PTPRG: variants seen among roughly 807,000 people sequenced by gnomAD.
PTPRG encodes protein tyrosine phosphatase receptor type G.
PTPRG carries 102 observed loss-of-function variants against 165.3 expected under a neutral mutation model. The ratio of observed to expected loss-of-function variants is 0.62; its 90% CI spans 0.53 to 0.73. The LOEUF (loss-of-function observed/expected upper bound fraction) is 0.73. Among genes scored for constraint, PTPRG ranks in the 30% least tolerant of loss-of-function variants. The probability of loss-of-function intolerance (pLI) is 0.00; values close to 1 mark genes in which losing one functional copy is unlikely to be tolerated. For synonymous variants in PTPRG, 675 were observed against 669.5 expected (o/e 1.01, Z -0.13); for missense variants, 1,866 against 1,861.4 (o/e 1.00, Z -0.05).
chr3:61,967,569 G>T (rs2040299020), intron 2 of PTPRG, among the ~76,000 whole-genome samples: 1 of 152,116 alleles, frequency 6.6e-6, no homozygotes, highest in Non-Finnish European at 1.5e-5. Context: ...CCCTTACTGG[G>T]AAGGAAAGGT....
chr3:61,860,135 G>T (rs994572843), intron 2 of PTPRG, among the ~76,000 whole-genome samples: 2 of 152,166 alleles, frequency 1.3e-5, no homozygotes, highest in Non-Finnish European at 1.5e-5. Flanking sequence ...ACACAGAAGA[G>T]GAAATATTGT....
intron 4 of PTPRG, among the ~76,000 whole-genome samples, chr3:62,043,956 A>G (rs1700207119): frequency 1.3e-5 from 2 of 152,234 alleles, no homozygotes; most frequent in Non-Finnish European, 2.9e-5. Context: ...TAGAAGCAAC[A>G]TGAAAGACTG....
Position 61,930,492 on chromosome 3 carries a change from C to A in PTPRG, c.191-59133C>A, listed in dbSNP as rs1023570036. On this transcript the variant is annotated intron_variant, in intron 2 of 29. Coordinates refer to ENST00000474889, the MANE Select transcript of PTPRG (RefSeq NM_002841.4). ...CCATTCCTTTTGGGATGTAGACCTG[C>A]ATCTTATGTGTTGCGTCTTACTTTT... Among the ~76,000 whole-genome samples the A allele has an allele frequency of 3.3e-5, 5 of 152,168 alleles. No individual in the cohort carries two copies. The East Asian group carries it at 7.7e-4, about 23-fold the overall frequency.
At position 62,252,343 on chromosome 3, in the gene PTPRG, C is replaced by A. The variant is rs547650681; in HGVS notation, c.2468-2781C>A. Among the ~76,000 whole-genome samples the A allele has an allele frequency of 8.5e-5, 13 of 152,302 alleles. No homozygotes were observed. Among genetic ancestry groups the A allele is most frequent in the African/African-American group, 3.1e-4 (13 of 41,572 alleles). Reference sequence around the variant, plus strand: ...GTTTCCCATTCTCTCTGAGTCGGAGCACTTTTTATCTAGGGTCTGCAGCCA... The same window carrying A: ...GTTTCCCATTCTCTCTGAGTCGGAGAACTTTTTATCTAGGGTCTGCAGCCA... On this transcript the variant is annotated intron_variant, in intron 15 of 29. Transcript: ENST00000474889. This position sits in a 1 kb window ranked among gnomAD's most constrained non-coding sequence, Gnocchi z 4.6.
intron 1 of PTPRG, among the ~76,000 whole-genome samples, chr3:61,708,941 G>A (rs2031409430): frequency 6.6e-6 from 1 of 152,232 alleles, no homozygotes; most frequent in Non-Finnish European, 1.5e-5. Context: ...AATGTCACAA[G>A]GTTTGGCCGG....
At chr3:61,750,309 T>C (rs1165163613) in intron 2 of PTPRG, 1 of 152,232 alleles carries the variant, frequency 6.6e-6, no homozygotes, top group African/African-American at 2.4e-5. Flanking sequence ...CTATTTACAG[T>C]TCATCAGTTT....
At position 61,625,777 on chromosome 3, in the gene PTPRG, A is replaced by T. The variant is rs181364398; in HGVS notation, c.85+63405A>T. Among the ~76,000 whole-genome samples the T allele has an allele frequency of 2.0e-4, 30 of 152,150 alleles. No homozygotes were observed. In the East Asian group the frequency reaches 5.8e-3, roughly 29 times the overall value. ...ACTCTTAAGCATTTCAGCCTCCAAC[A>T]TAAGCTCAGTAAGGTGGGACTTGCT... On this transcript the variant is annotated intron_variant, in intron 1 of 29. Transcript: ENST00000474889.
intron 1 of PTPRG, among the ~76,000 whole-genome samples, chr3:61,630,057 T>C (rs1309587022): frequency 6.6e-6 from 1 of 152,254 alleles, no homozygotes; most frequent in African/African-American, 2.4e-5. Context: ...ACCCTGGCCA[T>C]GGCCTTATGA....
chr3:62,085,556 C>T (rs1701724893), intron 5 of PTPRG, among the ~76,000 whole-genome samples: 1 of 152,110 alleles, frequency 6.6e-6, no homozygotes, highest in South Asian at 2.1e-4. Flanking sequence ...TGCTAATTTT[C>T]TTTCCCATTG....
intron 1 of PTPRG, among the ~76,000 whole-genome samples, chr3:61,581,546 C>T (rs1360322628): frequency 2.0e-5 from 3 of 151,618 alleles, no homozygotes; most frequent in Admixed American, 6.6e-5. Context: ...CGTGTGGCCA[C>T]GAGAATGTGA....
At chr3:61,661,595 GAAC>G (rs1218064254) in intron 1 of PTPRG, among the ~76,000 whole-genome samples, 1 of 152,118 alleles carries the variant, frequency 6.6e-6, no homozygotes, top group East Asian at 1.9e-4. Flanking sequence ...AGAAATTAAA[GAAC>G]AAGTTTATTT....
intron 3 of PTPRG, among the ~76,000 whole-genome samples, chr3:62,001,448 A>T (rs7643577): frequency 0.098 from 14,872 of 152,142 alleles, 1,246 homozygotes; most frequent in African/African-American, 0.22. Flanking sequence ...CGTCCTGTGG[A>T]TGCAAAATGT....
chr3:61,881,711 T>C (rs2037893996), intron 2 of PTPRG, among the ~76,000 whole-genome samples: 1 of 152,192 alleles, frequency 6.6e-6, no homozygotes, highest in Admixed American at 6.5e-5. Flanking sequence ...CTCCCTCCTA[T>C]ATATAGAAAT....
At chr3:62,065,152 T>G (rs1700969618) in intron 4 of PTPRG, among the ~76,000 whole-genome samples, 1 of 151,536 alleles carries the variant, frequency 6.6e-6, no homozygotes, top group African/African-American at 2.4e-5. Flanking sequence ...CACTGTTGAT[T>G]AGAGTAAAAA....
chr3:62,209,861 TC>T (rs763056505), intron 12 of PTPRG, among the ~76,000 whole-genome samples: 6 of 152,154 alleles, frequency 3.9e-5, no homozygotes, highest in Non-Finnish European at 7.4e-5. Flanking sequence ...CAATTAGATT[TC>T]CGGAGAGGTT....
chr3:61,668,563 G>T (rs2365939), intron 1 of PTPRG, among the ~76,000 whole-genome samples: 2 of 152,206 alleles, frequency 1.3e-5, no homozygotes, highest in Admixed American at 6.5e-5. Flanking sequence ...AAGGTTAGGT[G>T]GGGGGAGACC....
intron 8 of PTPRG, among the ~76,000 whole-genome samples, chr3:62,183,507 T>C (rs947706312): frequency 1.2e-4 from 18 of 147,690 alleles, no homozygotes; most frequent in African/African-American, 4.5e-4. Flanking sequence ...GAGGTTGCAG[T>C]GAGCCAAGAT....
chr3:62,208,349 C>A (rs548231003), intron 12 of PTPRG, among the ~76,000 whole-genome samples: 1 of 152,294 alleles, frequency 6.6e-6, no homozygotes, highest in East Asian at 1.9e-4. Context: ...GTACAGCATA[C>A]CCTACAAAAA....
chr3:61,771,003 C>G (rs1456341598), intron 2 of PTPRG: 1 of 152,140 alleles, frequency 6.6e-6, no homozygotes, highest in African/African-American at 2.4e-5. Flanking sequence ...GCTCTTGTTT[C>G]CCTCCCAAGA....
Sources: gnomAD v4.1 joint callset for allele counts (sites outside exome capture counted in the v4.1 genomes callset) on GRCh38, gnomAD v4.1.1 for gene constraint, Gnocchi (gnomAD v3.1) non-coding constraint, MANE v1.5 for transcripts, NCBI Gene and HGNC (gene_info 2026-07-23, HGNC 2026-07-21) for gene names.